Variants in CSF1R observed in about 807,000 individuals in gnomAD.
The protein encoded by CSF1R is macrophage colony-stimulating factor 1 receptor.
In CSF1R, 40 loss-of-function variants were observed where a neutral mutation model predicts 110.0. The observed-to-expected ratio is 0.36, with a 90% CI of 0.28 to 0.47. The LOEUF (loss-of-function observed/expected upper bound fraction) is 0.47. Ranked by LOEUF, CSF1R falls within the 20% of genes least tolerant of loss-of-function variation. The pLI, the probability that CSF1R is intolerant of heterozygous loss-of-function variation, is 0.99. For missense variants in CSF1R, 1,052 were observed against 1,253.0 expected (o/e 0.84, Z 2.42); for synonymous variants, 523 against 503.4 (o/e 1.04, Z -0.52).
intron 3 of CSF1R, among the ~76,000 whole-genome samples, chr5:150,079,480 C>A (rs1344114590): frequency 6.6e-6 from 1 of 152,208 alleles, no homozygotes; most frequent in African/African-American, 2.4e-5. Context: ...CCGCGAGAGC[C>A]ATCACACGCA....
chr5:150,073,200 T>G, intron 6 of CSF1R, 101 bp downstream of exon 6: 1 of 1,197,790 alleles, frequency 8.3e-7, no homozygotes, highest in Admixed American at 2.1e-5. Context: ...TTGCTCAAGG[T>G]CATACACCAA....
At chr5:150,096,294 G>A (rs554004863) in intron 1 of CSF1R, among the ~76,000 whole-genome samples, 14 of 152,306 alleles carry the variant, frequency 9.2e-5, no homozygotes, top group African/African-American at 3.1e-4. Context: ...GGAGGCTGAG[G>A]TAGGAGAATT....
intron 5 of CSF1R, among the ~76,000 whole-genome samples, chr5:150,075,114 C>T (rs902833691): frequency 6.6e-6 from 1 of 152,226 alleles, no homozygotes; most frequent in Non-Finnish European, 1.5e-5. Context: ...ATCTGCACTG[C>T]TTCATGCATC....
rs749542020 is a variant in CSF1R, at chr5:150,054,068, C to T, written c.*1G>A. 4 of 1,613,962 alleles carry T rather than the reference C, an allele frequency of 2.5e-6. No homozygotes were observed. The Admixed American group carries it at 5.0e-5, about 20-fold the overall frequency. Reference sequence around the variant, plus strand: ...GAGTGGTACTCCCTGTCGTCAACTCCTCAGCAGAACTGATAGTTGTTGGGC... The same window carrying T: ...GAGTGGTACTCCCTGTCGTCAACTCTTCAGCAGAACTGATAGTTGTTGGGC... On this transcript the variant is annotated 3_prime_UTR_variant, in exon 21 of 21. Transcript: ENST00000675795.
intron 10 of CSF1R, among the ~76,000 whole-genome samples, chr5:150,066,279 C>T (rs1015747910): frequency 7.9e-5 from 12 of 152,170 alleles, no homozygotes; most frequent in African/African-American, 1.9e-4. Context: ...CGTTGTGGTA[C>T]GGAATCCCTC....
In CSF1R at chr5:150,080,915, G is replaced by C. The variant is rs2113833406; in HGVS notation, c.159C>G (p.Pro53=). ...VGNGSVEWDG[P]PSPHWTLYSD... Reference sequence around the variant, plus strand: ...AGTACAGGGTCCAGTGAGGTGATGGGGGGCCATCCCATTCCACGCTGCCAT... The same window carrying C: ...AGTACAGGGTCCAGTGAGGTGATGGCGGGCCATCCCATTCCACGCTGCCAT... Residue 53 remains proline (P), a synonymous_variant, in exon 2 of 21, where the codon CCC becomes CCG. Transcript: ENST00000675795. 3.7e-6 allele frequency: 6 copies of C among 1,614,116 alleles called. No homozygotes were observed. The highest frequency in any genetic ancestry group is 5.1e-6 in the Non-Finnish European group (6 of 1,179,978).
chr5:150,066,737 T>C (rs1379807486), intron 10 of CSF1R, among the ~76,000 whole-genome samples: 1 of 151,994 alleles, frequency 6.6e-6, no homozygotes, highest in Non-Finnish European at 1.5e-5. Flanking sequence ...CCCAAGGGGG[T>C]GTGGGGAAGA....
intron 18 of CSF1R, among the ~76,000 whole-genome samples, 155 bp downstream of exon 18, chr5:150,055,871 G>A (rs552240737): frequency 1.7e-4 from 26 of 152,214 alleles, no homozygotes; most frequent in Non-Finnish European, 2.5e-4. Context: ...GCCGAGTCCC[G>A]CAGGAGCCAC....
chr5:150,068,143 C>A, intron 10 of CSF1R, 72 bp downstream of exon 10: 1 of 1,175,370 alleles, frequency 8.5e-7, no homozygotes, highest in South Asian at 1.3e-5. Context: ...AGGGTGAATC[C>A]ATGCAGCCTG....
At chr5:150,072,534 T>TGAG (rs1758073014) in intron 6 of CSF1R, among the ~76,000 whole-genome samples, 1 of 152,130 alleles carries the variant, frequency 6.6e-6, no homozygotes, top group African/African-American at 2.4e-5. Context: ...TTTTAATACC[T>TGAG]GAGTTAATAC....
chr5:150,109,954 A>G (rs1409162237), intron 1 of CSF1R, among the ~76,000 whole-genome samples: 2 of 152,224 alleles, frequency 1.3e-5, no homozygotes, highest in Non-Finnish European at 2.9e-5. Context: ...GTATGTCAAT[A>G]TGTTCAGCTC....
In CSF1R at chr5:150,057,605, G is replaced by C. The variant is rs760200293; in HGVS notation, c.2133-13C>G. On this transcript the variant is annotated splice_polypyrimidine_tract_variant and intron_variant, in intron 14 of 20. Coordinates refer to ENST00000675795, the MANE Select transcript of CSF1R (RefSeq NM_001288705.3). ...GAAGCCACTGTCCCTACATAGGAGA[G>C]AGGGTTGGGGGGCAGAGGTCACTCA... 14 of 1,608,944 alleles carry C rather than the reference G, an allele frequency of 8.7e-6. No homozygotes were observed. Among genetic ancestry groups the C allele is most frequent in the Non-Finnish European group, 1.0e-5 (12 of 1,175,346 alleles).
chr5:150,097,856 G>A (rs1278241474), intron 1 of CSF1R, among the ~76,000 whole-genome samples: 1 of 152,164 alleles, frequency 6.6e-6, no homozygotes, highest in Non-Finnish European at 1.5e-5. Context: ...ATTCAACAAA[G>A]TGCCAATCAA....
At position 150,061,852 on chromosome 5, in the gene CSF1R, G is replaced by A. The variant is rs774922920; in HGVS notation, c.1627-3C>T. ...CAGCGGACCTGGTACTTGGGCTTCT[G>A]CAGAAGAGGAAGGGAGCACGTGGCA... On this transcript the variant is annotated splice_polypyrimidine_tract_variant and splice_region_variant and intron_variant, in intron 10 of 20. Transcript: ENST00000675795. The A allele has an allele frequency of 8.7e-6, 14 of 1,614,144 alleles. No homozygotes were observed. The highest frequency in any genetic ancestry group is 2.2e-5 in the East Asian group (1 of 44,876).
intron 1 of CSF1R, among the ~76,000 whole-genome samples, chr5:150,086,178 A>G (rs1266506503): frequency 2.0e-5 from 3 of 152,178 alleles, no homozygotes; most frequent in Non-Finnish European, 2.9e-5. Flanking sequence ...GATCCACAGC[A>G]CCAGGTGGAC....
At chr5:150,103,801 G>A (rs1581351053) in intron 1 of CSF1R, among the ~76,000 whole-genome samples, 1 of 152,174 alleles carries the variant, frequency 6.6e-6, no homozygotes, top group Non-Finnish European at 1.5e-5. Flanking sequence ...TGAAGGAATG[G>A]AGTGGAGATG....
rs1026659012 is a variant in CSF1R at position 150,080,709 on chromosome 5, C to A, written c.307+58G>T. ...ATTGTTACGATTGTTAATTTTAGGG[C>A]CCATTGTAGTGGGGCCTGCCGGGTC... On this transcript the variant is annotated intron_variant, in intron 2 of 20. Coordinates refer to ENST00000675795, the MANE Select transcript of CSF1R (RefSeq NM_001288705.3). 5.0e-5 allele frequency: 80 copies of A among 1,599,458 alleles called. 1 individual carries two copies. In the South Asian group the frequency reaches 8.0e-4, roughly 16 times the overall value.
Position 150,070,033 on chromosome 5 carries a change from C to G in CSF1R, c.1350G>C (p.Trp450Cys). ...RCDEAQVLQV[W>C]DDPYPEVLSQ... The stretch of plus-strand genomic sequence containing the variant: ...TCAGGACCTCAGGGTATGGGTCATC[C>G]CAGACCTGCAGCACTTGGGCCTCAT... The change falls in exon 9 of 21, where the codon TGG (tryptophan) becomes TGC (cysteine). Residue 450 changes from tryptophan (W) to cysteine (C), a missense_variant. Coordinates refer to ENST00000675795, the MANE Select transcript of CSF1R (RefSeq NM_001288705.3). 6.2e-7 allele frequency: 1 copy of G among 1,614,034 alleles called. No homozygotes were observed. The highest frequency in any genetic ancestry group is 8.5e-7 in the Non-Finnish European group (1 of 1,179,962).
intron 1 of CSF1R, among the ~76,000 whole-genome samples, chr5:150,096,125 C>T (rs528919260): frequency 6.6e-6 from 1 of 152,336 alleles, no homozygotes; most frequent in African/African-American, 2.4e-5. Flanking sequence ...CCCAGTGGCT[C>T]ATGCCTGTAA....
Sources: gnomAD v4.1 joint callset for allele counts (sites outside exome capture counted in the v4.1 genomes callset) on GRCh38, gnomAD v4.1.1 for gene constraint, MANE v1.5 for transcripts, NCBI Gene and HGNC (gene_info 2026-07-23, HGNC 2026-07-21) for gene names.